NXPE4: variants seen among roughly 807,000 people sequenced by gnomAD.
NXPE4 encodes neurexophilin and PC-esterase domain family member 4, also known as NXPE family member 4.
A neutral mutation model predicts 33.3 loss-of-function variants in NXPE4; 42 were observed. The observed-to-expected ratio is 1.26, with a 90% CI of 0.98 to 1.63. The LOEUF (loss-of-function observed/expected upper bound fraction) is 1.63, where lower values mean the gene tolerates loss of function less well. NXPE4 is among the 40% of genes most tolerant of loss of function. The pLI is 0.00. For synonymous variants in NXPE4, 253 were observed against 234.9 expected, an observed-to-expected ratio of 1.08 and a Z score of -0.71; for missense variants, 709 against 647.6, an observed-to-expected ratio of 1.09 and a Z score of -1.03.
chr11:114,596,107 C>A (rs151067797), upstream of NXPE4, among the ~76,000 whole-genome samples: 1 of 152,110 alleles, frequency 6.6e-6, no homozygotes, highest in Non-Finnish European at 1.5e-5. Flanking sequence ...TTCCATCTAG[C>A]GTTATCATCA....
chr11:114,591,866 G>T (rs528256712), intron 2 of NXPE4, among the ~76,000 whole-genome samples: 21 of 152,200 alleles, frequency 1.4e-4, no homozygotes, highest in African/African-American at 4.1e-4. Context: ...ATTGACCAGG[G>T]TATATTATGT....
chr11:114,571,476 G>A lies in NXPE4; in HGVS notation c.1100-3C>T. On this transcript the variant is annotated splice_polypyrimidine_tract_variant and splice_region_variant and intron_variant, in intron 5 of 5. Transcript: ENST00000375478. ...ATGCAGATCCACTGACTTCAGTGCT[G>A]ATAACAAATAGGCAATCCCAAAATA... 1.3e-6 allele frequency: 2 copies of A among 1,588,882 alleles called. No individual in the cohort carries two copies. Among genetic ancestry groups the A allele is most frequent in the Non-Finnish European group, 1.7e-6 (2 of 1,164,898 alleles).
At chr11:114,628,131 G>A in the NXPE4 span, among the ~76,000 whole-genome samples, 3 of 144,204 alleles carry the variant, frequency 2.1e-5, no homozygotes, top group Non-Finnish European at 3.0e-5. Context: ...AGTCAACAAC[G>A]ATACCCAAGA....
At chr11:114,609,576 T>G in the NXPE4 span, among the ~76,000 whole-genome samples, 3 of 151,446 alleles carry the variant, frequency 2.0e-5, no homozygotes, top group African/African-American at 7.3e-5. Context: ...GGGTAACCAC[T>G]GTTACCATGT....
chr11:114,646,278 T>C, the NXPE4 span, among the ~76,000 whole-genome samples: 1 of 151,790 alleles, frequency 6.6e-6, no homozygotes, highest in African/African-American at 2.4e-5. Context: ...CTTCTAGTTT[T>C]TCAAGAATTT....
intron 2 of NXPE4, chr11:114,583,880 G>T: frequency 2.5e-6 from 1 of 393,364 alleles, no homozygotes; most frequent in South Asian, 2.1e-5. Flanking sequence ...AGGAGATGGG[G>T]ACTTATGGGT....
rs895192018 is a variant in NXPE4, at chr11:114,571,345, C to G, written c.1228G>C (p.Val410Leu). 6.8e-6 allele frequency: 11 copies of G among 1,613,886 alleles called. No individual in the cohort carries two copies. The African/African-American group carries it at 1.5e-4, about 22-fold the overall frequency. ...YPLIGSMTYSVKEMEYLTRAI... is the reference protein window; with the variant it reads ...YPLIGSMTYSLKEMEYLTRAI... ...CGGGTGAGGTACTCCATCTCTTTGACTGAATAGGTCATTGATCCTATCAAG... is the reference window on the plus strand; with the variant it reads ...CGGGTGAGGTACTCCATCTCTTTGAGTGAATAGGTCATTGATCCTATCAAG... Residue 410 changes from valine (V) to leucine (L), a missense_variant, in exon 6 of 6, where the codon GTC becomes CTC. Val to Leu is a conservative substitution (Grantham distance 32). Transcript: ENST00000375478.
the NXPE4 span, among the ~76,000 whole-genome samples, chr11:114,663,657 A>C: frequency 6.9e-6 from 1 of 144,456 alleles, no homozygotes; most frequent in Non-Finnish European, 1.5e-5. Flanking sequence ...TCTATCATCT[A>C]TTTATCTATC....
intron 5 of NXPE4, among the ~76,000 whole-genome samples, chr11:114,572,580 T>G (rs679870): frequency 0.6 from 91,022 of 151,888 alleles, 29,076 homozygotes; most frequent in African/African-American, 0.84. Flanking sequence ...GCACTGGAAA[T>G]TCTCAGCAAT....
the NXPE4 span, among the ~76,000 whole-genome samples, chr11:114,665,782 A>C: frequency 6.6e-6 from 1 of 152,178 alleles, no homozygotes; most frequent in Non-Finnish European, 1.5e-5. Context: ...GTGCAGGTTT[A>C]AAGTTTCTCC....
At chr11:114,634,604 A>G in the NXPE4 span, among the ~76,000 whole-genome samples, 160 of 152,060 alleles carry the variant, frequency 1.1e-3, 2 homozygotes, top group Admixed American at 8.5e-3. Flanking sequence ...TAGGTCTAAC[A>G]TTTAAGTCTT....
the NXPE4 span, among the ~76,000 whole-genome samples, chr11:114,625,712 C>A: frequency 3.3e-5 from 5 of 152,164 alleles, no homozygotes; most frequent in Non-Finnish European, 7.4e-5. Context: ...CTACAGCTCC[C>A]AGCATGAGCG....
chr11:114,678,117 C>A, the NXPE4 span, among the ~76,000 whole-genome samples: 1 of 152,150 alleles, frequency 6.6e-6, no homozygotes, highest in South Asian at 2.1e-4. Context: ...ATTGAGAGGA[C>A]CCAGCTGAAT....
At chr11:114,619,424 G>T in the NXPE4 span, among the ~76,000 whole-genome samples, 1 of 152,006 alleles carries the variant, frequency 6.6e-6, no homozygotes, top group South Asian at 2.1e-4. Context: ...TGCCTCGTGG[G>T]TAACCACTGT....
At chr11:114,589,271 C>G (rs1290822823) in intron 2 of NXPE4, among the ~76,000 whole-genome samples, 1 of 152,078 alleles carries the variant, frequency 6.6e-6, no homozygotes, top group Non-Finnish European at 1.5e-5. Context: ...TCCTGGTGCT[C>G]AAGCCCTGGC....
intron 2 of NXPE4, among the ~76,000 whole-genome samples, chr11:114,593,679 C>G (rs756217839): frequency 1.3e-5 from 2 of 152,032 alleles, no homozygotes; most frequent in Non-Finnish European, 2.9e-5. Flanking sequence ...TAGGTATATA[C>G]CCAAAATAAA....
At chr11:114,581,626 G>A in intron 4 of NXPE4, 99 bp downstream of exon 4, 3 of 936,722 alleles carry the variant, frequency 3.2e-6, no homozygotes, top group South Asian at 2.9e-5. Context: ...TGAACAGAGT[G>A]CTGATAGGAC....
intron 5 of NXPE4, among the ~76,000 whole-genome samples, chr11:114,579,884 G>C (rs1168614349): frequency 2.0e-5 from 3 of 152,094 alleles, no homozygotes; most frequent in African/African-American, 7.2e-5. Flanking sequence ...AGCCTACTGG[G>C]TACATACTGA....
chr11:114,607,896 G>T, the NXPE4 span, among the ~76,000 whole-genome samples: 1 of 151,910 alleles, frequency 6.6e-6, no homozygotes, highest in African/African-American at 2.4e-5. Context: ...TGCCTCGTGG[G>T]TAACCACAGT....
Sources: gnomAD v4.1 joint callset for allele counts (sites outside exome capture counted in the v4.1 genomes callset) on GRCh38, gnomAD v4.1.1 for gene constraint, MANE v1.5 for transcripts, NCBI Gene and HGNC (gene_info 2026-07-23, HGNC 2026-07-21) for gene names.